The following MCM9 variants were observed in gnomAD, a reference collection of about 807,000 sequenced individuals.
MCM9 encodes minichromosome maintenance 9 homologous recombination repair factor, also known as DNA helicase MCM9.
MCM9 carries 55 observed loss-of-function variants against 72.8 expected under a neutral mutation model. The observed-to-expected ratio is 0.76, with a 90% CI of 0.61 to 0.95. The LOEUF (loss-of-function observed/expected upper bound fraction) is 0.95. Among genes scored for constraint, MCM9 ranks in the 40% least tolerant of loss-of-function variants. The probability of loss-of-function intolerance (pLI) is 0.00; values close to 1 mark genes in which losing one functional copy is unlikely to be tolerated. For synonymous variants in MCM9, 480 were observed against 503.4 expected (o/e 0.95, Z 0.62); for missense variants, 1,279 against 1,377.0 (o/e 0.93, Z 1.13).
intron 2 of MCM9, among the ~76,000 whole-genome samples, chr6:118,932,396 G>A (rs752131497): frequency 6.6e-6 from 1 of 152,162 alleles, no homozygotes; most frequent in Non-Finnish European, 1.5e-5. Flanking sequence ...ATATATGTAA[G>A]AGGCCACATT....
Position 118,917,559 on chromosome 6 carries a change from A to T in MCM9, c.904+2T>A, listed in dbSNP as rs761855085. On this transcript the variant is annotated splice_donor_variant, in intron 6 of 13. Coordinates refer to ENST00000619706, the MANE Select transcript of MCM9 (RefSeq NM_017696.3). LOFTEE classifies it high-confidence loss of function. ...AATCAGTTTTAGCCCTTAAACACAA[A>T]CCTGCAAAGGGATCGCTCTTATAGT... 6.2e-7 allele frequency: 1 copy of T among 1,613,956 alleles called. No individual in the cohort carries two copies. Among genetic ancestry groups the T allele is most frequent in the Non-Finnish European group, 8.5e-7 (1 of 1,179,874 alleles).
chr6:118,827,384 T>C (rs1247027907), intron 11 of MCM9, among the ~76,000 whole-genome samples: 1 of 152,250 alleles, frequency 6.6e-6, no homozygotes, highest in Non-Finnish European at 1.5e-5. Context: ...ATTCAGTTCA[T>C]GTGAATTCTT....
chr6:118,891,335 A>C (rs1015352919), intron 8 of MCM9, among the ~76,000 whole-genome samples: 4 of 152,232 alleles, frequency 2.6e-5, no homozygotes, highest in African/African-American at 9.6e-5. Context: ...TTAGATGCTC[A>C]AATAAGCTTA....
chr6:118,923,490 TC>T (rs905797697), intron 4 of MCM9, among the ~76,000 whole-genome samples: 2 of 152,292 alleles, frequency 1.3e-5, no homozygotes, highest in Admixed American at 1.3e-4. Context: ...TAATCTTCTA[TC>T]CCTTAGCTAA....
chr6:118,862,695 C>T (rs948756007), intron 8 of MCM9, among the ~76,000 whole-genome samples: 3 of 152,016 alleles, frequency 2.0e-5, no homozygotes, highest in Admixed American at 1.3e-4. Context: ...GACATAGCTT[C>T]GATTACTTGC....
At chr6:118,863,154 T>C (rs1227613250) in intron 8 of MCM9, among the ~76,000 whole-genome samples, 1 of 152,218 alleles carries the variant, frequency 6.6e-6, no homozygotes, top group East Asian at 1.9e-4. Flanking sequence ...AGAAACAACG[T>C]ATTTAATTGT....
intron 8 of MCM9, among the ~76,000 whole-genome samples, chr6:118,885,368 T>C (rs1778536568): frequency 6.6e-6 from 1 of 152,048 alleles, no homozygotes; most frequent in Admixed American, 6.5e-5. Context: ...CAGAAATTAC[T>C]GGAATAGAGA....
At chr6:118,820,151 T>C (rs952229427) in intron 13 of MCM9, among the ~76,000 whole-genome samples, 4 of 152,180 alleles carry the variant, frequency 2.6e-5, no homozygotes, top group African/African-American at 9.7e-5. Context: ...AGTTATTTCT[T>C]GTCTTCTGCT....
intron 11 of MCM9, 96 bp downstream of exon 11, chr6:118,827,831 G>A (rs1375314378): frequency 8.5e-7 from 1 of 1,178,960 alleles, no homozygotes; most frequent in South Asian, 1.5e-5. Context: ...TAGAGTGGGA[G>A]TTATTCTCAT....
chr6:118,820,107 G>A (rs1007322374), intron 13 of MCM9, among the ~76,000 whole-genome samples: 1 of 151,838 alleles, frequency 6.6e-6, no homozygotes, highest in African/African-American at 2.4e-5. Flanking sequence ...AGGGTTTTTC[G>A]TGTCTCTATC....
chr6:118,899,929 C>A (rs528657122), intron 8 of MCM9, among the ~76,000 whole-genome samples: 62 of 152,340 alleles, frequency 4.1e-4, no homozygotes, highest in African/African-American at 1.5e-3. Context: ...ACAAAGTTAT[C>A]TTCTTCCTCA....
At chr6:118,826,338 A>T in intron 12 of MCM9, 46 bp from the exon 13 acceptor site, 1 of 1,533,286 alleles carries the variant, frequency 6.5e-7, no homozygotes, top group Non-Finnish European at 8.8e-7. Flanking sequence ...GCCAGCCTGC[A>T]TAGCGGTAAG....
chr6:118,821,423 C>G (rs1332516834), intron 13 of MCM9, among the ~76,000 whole-genome samples: 1 of 151,962 alleles, frequency 6.6e-6, no homozygotes, highest in Non-Finnish European at 1.5e-5. Flanking sequence ...GTTGAAAATT[C>G]TTTTTAAGAA....
At chr6:118,928,527 A>C (rs892796587) in intron 3 of MCM9, among the ~76,000 whole-genome samples, 4 of 152,174 alleles carry the variant, frequency 2.6e-5, no homozygotes, top group Admixed American at 1.3e-4. Flanking sequence ...TCATCTATAA[A>C]ATAACAACAG....
In MCM9 at chr6:118,818,908, C is replaced by A. The variant is rs140846489; in HGVS notation, c.1962-2614G>T. Among the ~76,000 whole-genome samples the A allele has an allele frequency of 2.2e-3, 330 of 152,174 alleles. 2 individuals are homozygous for A. The highest frequency in any genetic ancestry group is 6.6e-3 in the Admixed American group (101 of 15,268). On this transcript the variant is annotated intron_variant, in intron 13 of 13. Transcript: ENST00000619706. ...TGTAGCAATTGTGAATGGAAGTTCA[C>A]TGATGATTCAGCTCTCTATTATTGG...
chr6:118,928,915 A>C (rs1409883016), intron 3 of MCM9, among the ~76,000 whole-genome samples: 4 of 151,860 alleles, frequency 2.6e-5, no homozygotes, highest in Non-Finnish European at 5.9e-5. Flanking sequence ...GCATACAGCA[A>C]GCGCTATTTA....
chr6:118,900,713 T>C, intron 8 of MCM9: 1 of 1,270,018 alleles, frequency 7.9e-7, no homozygotes, highest in South Asian at 1.2e-5. Flanking sequence ...TTTGATGTCA[T>C]CTGGTAATGT....
At chr6:118,874,655 C>A (rs954618285) in intron 8 of MCM9, among the ~76,000 whole-genome samples, 1 of 152,112 alleles carries the variant, frequency 6.6e-6, no homozygotes, top group African/African-American at 2.4e-5. Context: ...GCTCTTTGTT[C>A]GCAGATAATA....
At chr6:118,897,566 C>T (rs974687198) in intron 8 of MCM9, among the ~76,000 whole-genome samples, 8 of 152,134 alleles carry the variant, frequency 5.3e-5, no homozygotes, top group African/African-American at 1.9e-4. Context: ...TACATACTTT[C>T]CACTAGACCA....
Sources: gnomAD v4.1 joint callset for allele counts (sites outside exome capture counted in the v4.1 genomes callset) on GRCh38, gnomAD v4.1.1 for gene constraint, MANE v1.5 for transcripts, NCBI Gene and HGNC (gene_info 2026-07-23, HGNC 2026-07-21) for gene names.